Variants in LRRC9 observed in about 807,000 individuals in gnomAD.
LRRC9 encodes leucine-rich repeat-containing protein 9.
LRRC9 carries 122 observed loss-of-function variants against 63.2 expected under a neutral mutation model. The observed-to-expected ratio is 1.93, with a 90% CI of 1.67 to 2.24. LRRC9 has a LOEUF of 2.24. LRRC9 is among the 30% of genes most tolerant of loss of function. The pLI, the probability that LRRC9 is intolerant of heterozygous loss-of-function variation, is 0.00. For synonymous variants in LRRC9, 366 were observed against 213.1 expected, an observed-to-expected ratio of 1.72 and a Z score of -6.25; for missense variants, 1,071 against 627.7, an observed-to-expected ratio of 1.71 and a Z score of -7.55.
At chr14:59,965,246 G>A (rs1208568232) in intron 10 of LRRC9, among the ~76,000 whole-genome samples, 1 of 152,090 alleles carries the variant, frequency 6.6e-6, no homozygotes, top group East Asian at 1.9e-4. Context: ...TTTTCACACA[G>A]CTGGCCCCTG....
intron 2 of LRRC9, 85 bp downstream of exon 2, chr14:59,928,076 G>T: frequency 3.2e-6 from 2 of 618,624 alleles, no homozygotes; most frequent in South Asian, 2.0e-5. Context: ...GAGCTGGAAG[G>T]GTTACTTAGT....
chr14:59,965,910 A>AAAAAAAAAAAAAAAAAAAAAT (rs1884802821), intron 10 of LRRC9, among the ~76,000 whole-genome samples: 1 of 147,400 alleles, frequency 6.8e-6, no homozygotes, highest in African/African-American at 2.5e-5. Flanking sequence ...AAAAAAAAAA[A>AAAAAAAAAAAAAAAAAAAAAT]AAAAAAAAAA....
At chr14:59,934,752 G>A (rs183287119) in intron 6 of LRRC9, among the ~76,000 whole-genome samples, 8 of 152,118 alleles carry the variant, frequency 5.3e-5, no homozygotes, top group Admixed American at 3.9e-4. Context: ...TTACTATATG[G>A]AAATTCTAAT....
intron 17 of LRRC9, among the ~76,000 whole-genome samples, chr14:59,994,496 C>A (rs1157533462): frequency 6.6e-6 from 1 of 152,186 alleles, no homozygotes; most frequent in South Asian, 2.1e-4. Flanking sequence ...TTTGACCCAG[C>A]CATCCCATTA....
chr14:59,952,785 T>G (rs1004489248), intron 8 of LRRC9, among the ~76,000 whole-genome samples: 1 of 152,114 alleles, frequency 6.6e-6, no homozygotes, highest in Non-Finnish European at 1.5e-5. Context: ...ATTAGGTATT[T>G]GTCCTAATGC....
chr14:60,045,913 T>C (rs940366932), intron 29 of LRRC9, among the ~76,000 whole-genome samples: 7 of 152,198 alleles, frequency 4.6e-5, no homozygotes, highest in African/African-American at 1.7e-4. Context: ...CTTTTTTTTC[T>C]CTGCAATCTC....
At position 60,053,862 on chromosome 14, in the gene LRRC9, G is replaced by A. The variant is rs1484280548; in HGVS notation, c.4131+657G>A. ...ACTAAATTTAACACAGAAAATCTAT[G>A]GTTTTTGAACAGAGAAGTAACATTA... On this transcript the variant is annotated intron_variant, in intron 30 of 31. Transcript: ENST00000445360. The surrounding 1 kb of genome is among the most constrained non-coding windows in gnomAD (Gnocchi z 4.8). 1.1e-5 allele frequency: 5 copies of A among 441,982 alleles called. No homozygotes were observed. In the East Asian group the frequency reaches 2.8e-4, roughly 25 times the overall value. The allele number at this position is 441,982 out of a possible 1,614,324, so 27.4% of individuals were successfully genotyped here. A position where few individuals can be genotyped will look rare whatever the true frequency, so the allele number is the denominator to read the frequency against.
intron 15 of LRRC9, among the ~76,000 whole-genome samples, chr14:59,981,407 G>T (rs572716706): frequency 6.6e-6 from 1 of 151,954 alleles, no homozygotes; most frequent in Admixed American, 6.6e-5. Context: ...AATTCTTACC[G>T]TAATTACTGA....
At chr14:59,983,313 T>G (rs551284201) in intron 16 of LRRC9, among the ~76,000 whole-genome samples, 26 of 152,338 alleles carry the variant, frequency 1.7e-4, no homozygotes, top group African/African-American at 6.0e-4. Flanking sequence ...CCCTGTCCTG[T>G]GTCTGTAAAT....
At chr14:60,034,551 A>C (rs1425014113) in intron 29 of LRRC9, among the ~76,000 whole-genome samples, 1 of 151,936 alleles carries the variant, frequency 6.6e-6, no homozygotes, top group Non-Finnish European at 1.5e-5. Flanking sequence ...CTTTGTCTTC[A>C]TGAGATCCAC....
At chr14:59,998,420 A>G (rs990679643) in intron 18 of LRRC9, among the ~76,000 whole-genome samples, 3 of 152,016 alleles carry the variant, frequency 2.0e-5, no homozygotes, top group African/African-American at 7.2e-5. Flanking sequence ...ATTTTTTCTC[A>G]TTACAAAAAT....
At chr14:59,994,850 G>A (rs1042660941) in intron 17 of LRRC9, among the ~76,000 whole-genome samples, 19 of 151,634 alleles carry the variant, frequency 1.3e-4, no homozygotes, top group Admixed American at 9.2e-4. Flanking sequence ...ATCACACACC[G>A]GGGCCTGTTG....
intron 1 of LRRC9, among the ~76,000 whole-genome samples, chr14:59,925,090 C>A (rs1172074377): frequency 6.6e-6 from 1 of 151,978 alleles, no homozygotes; most frequent in Admixed American, 6.5e-5. Context: ...TGTCTTATGC[C>A]TTCAATATGA....
chr14:59,928,383 A>G, exon 3 of LRRC9: 3 of 697,952 alleles, frequency 4.3e-6, no homozygotes, highest in Non-Finnish European at 7.8e-6. Flanking sequence ...TTATTTCCTA[A>G]TTTAACGAGT....
chr14:60,063,332 G>A (rs1318176656), exon 32 of LRRC9: 1 of 700,652 alleles, frequency 1.4e-6, no homozygotes. Context: ...GAATTTTTGG[G>A]AGCAACTTTC....
chr14:59,993,693 G>A (rs999306539), intron 17 of LRRC9, among the ~76,000 whole-genome samples: 10 of 152,062 alleles, frequency 6.6e-5, no homozygotes, highest in Admixed American at 4.6e-4. Context: ...CTTTAAACCA[G>A]CAAAGATCAA....
rs142970940 is a variant in LRRC9 at position 59,986,101 on chromosome 14, A to G, written c.2211+877A>G. ...CTTTCTGTCTTGTCCTTTGACCTGA[A>G]TATCACATGCATAGATCTTGTTGAA... On this transcript the variant is annotated intron_variant, in intron 17 of 31. Coordinates refer to ENST00000445360, the Ensembl canonical transcript of LRRC9. The surrounding 1 kb of genome is among the most constrained non-coding windows in gnomAD (Gnocchi z 4.7). 0.011 allele frequency among the ~76,000 whole-genome samples: 1,611 copies of G among 152,226 alleles called. 112 individuals are homozygous for G. Among genetic ancestry groups the G allele is most frequent in the Admixed American group, 0.097 (1,487 of 15,290 alleles).
exon 18 of LRRC9, chr14:59,997,784 T>C: frequency 1.4e-6 from 1 of 702,262 alleles, no homozygotes; most frequent in Admixed American, 2.0e-5. Context: ...ATGAAATAAA[T>C]ATGTTATGCA....
intron 30 of LRRC9, 180 bp from the exon 31 acceptor site, chr14:60,057,698 C>G (rs1202771399): frequency 2.6e-6 from 1 of 383,556 alleles, no homozygotes; most frequent in Non-Finnish European, 4.7e-6. Context: ...GAGGTTAACT[C>G]CCCAAAAAGC....
Sources: gnomAD v4.1 joint callset for allele counts (sites outside exome capture counted in the v4.1 genomes callset) on GRCh38, gnomAD v4.1.1 for gene constraint, Gnocchi (gnomAD v3.1) non-coding constraint, MANE v1.5 for transcripts, NCBI Gene and HGNC (gene_info 2026-07-23, HGNC 2026-07-21) for gene names.